SHTN1: variants seen among roughly 807,000 people sequenced by gnomAD.
The protein encoded by SHTN1 is shootin 1.
A neutral mutation model predicts 83.1 loss-of-function variants in SHTN1; 42 were observed. The ratio of observed to expected loss-of-function variants is 0.51; its 90% CI spans 0.39 to 0.65. The LOEUF (loss-of-function observed/expected upper bound fraction) is 0.65, where lower values mean the gene tolerates loss of function less well. SHTN1 is among the 30% of genes least tolerant of loss of function. The probability of loss-of-function intolerance (pLI) is 0.00; values close to 1 mark genes in which losing one functional copy is unlikely to be tolerated. For synonymous variants in SHTN1, 224 were observed against 247.7 expected (o/e 0.90, Z 0.90); for missense variants, 622 against 737.8 (o/e 0.84, Z 1.82).
At chr10:116,916,050 G>A (rs557347585) in intron 12 of SHTN1, among the ~76,000 whole-genome samples, 10 of 152,298 alleles carry the variant, frequency 6.6e-5, no homozygotes, top group African/African-American at 2.4e-4. Context: ...AAACATTTAA[G>A]CAAACCTTTC....
At chr10:116,929,022 T>G (rs192163714) in intron 10 of SHTN1, among the ~76,000 whole-genome samples, 1 of 152,304 alleles carries the variant, frequency 6.6e-6, no homozygotes, top group African/African-American at 2.4e-5. Flanking sequence ...ACTTCTTAAT[T>G]TTGGATCAAT....
intron 9 of SHTN1, among the ~76,000 whole-genome samples, chr10:116,930,232 ATTTTT>A (rs1166878844): frequency 5.3e-5 from 8 of 151,948 alleles, no homozygotes; most frequent in Non-Finnish European, 1.2e-4. Flanking sequence ...AGACACTTTA[ATTTTT>A]TTTAAGTTTT....
In SHTN1 at chr10:116,935,759, C is replaced by T. The variant is rs1259256677; in HGVS notation, c.858+4707G>A. On this transcript the variant is annotated intron_variant, in intron 9 of 16. Transcript: ENST00000355371. ...GGAATGGTACCAGCTCCTCTTGGTA[C>T]CTCTGGTAGAAATCAGCTGTGAATC... 4.6e-5 allele frequency among the ~76,000 whole-genome samples: 7 copies of T among 152,236 alleles called. No homozygotes were observed. The South Asian group carries it at 1.5e-3, about 32-fold the overall frequency.
In SHTN1 at chr10:116,884,213, CG is replaced by C. The variant is rs750818068; in HGVS notation, c.*2130del. 1.2e-4 allele frequency: 56 copies of C among 457,216 alleles called. No individual in the cohort carries two copies. The highest frequency in any genetic ancestry group is 2.4e-4 in the African/African-American group (12 of 50,234). The allele number at this position is 457,216 out of a possible 1,614,324, so 28.3% of individuals were successfully genotyped here. On this transcript the variant is annotated 3_prime_UTR_variant, in exon 17 of 17. Coordinates refer to ENST00000355371, the MANE Select transcript of SHTN1 (RefSeq NM_001127211.3). ...TGAACATACCTTGCAGATATAAGCA[CG>C]GTTCTCCTATGTCTTCCTATTTGGG... is the stretch of plus-strand genomic sequence containing the variant.
chr10:117,100,237 T>C (rs1488265653), intron 1 of SHTN1, among the ~76,000 whole-genome samples: 4 of 152,104 alleles, frequency 2.6e-5, no homozygotes, highest in African/African-American at 9.7e-5. Context: ...CTGGCACACA[T>C]CAGATCAGGG....
chr10:117,097,091 G>A (rs906611440), intron 1 of SHTN1, among the ~76,000 whole-genome samples: 15 of 151,824 alleles, frequency 9.9e-5, no homozygotes, highest in South Asian at 4.2e-4. Flanking sequence ...TAGAGTAGGG[G>A]CAAAGGGAAA....
chr10:117,005,394 G>A (rs1018529879), upstream of SHTN1: 1 of 1,187,132 alleles, frequency 8.4e-7, no homozygotes. Context: ...GGACGCGCTG[G>A]TGGGAGGGGG....
chr10:116,910,080 C>T (rs951170679), intron 14 of SHTN1, among the ~76,000 whole-genome samples: 11 of 152,242 alleles, frequency 7.2e-5, no homozygotes, highest in Middle Eastern at 3.4e-3. Flanking sequence ...TCTGGCAGGT[C>T]GAGCTAGGAG....
chr10:117,117,786 T>C (rs983684623), intron 1 of SHTN1, among the ~76,000 whole-genome samples: 4 of 152,136 alleles, frequency 2.6e-5, no homozygotes, highest in African/African-American at 9.7e-5. Flanking sequence ...GAACATACAC[T>C]GAAGAAAGGA....
chr10:116,910,071 C>G (rs578044263), intron 14 of SHTN1, among the ~76,000 whole-genome samples: 1 of 152,254 alleles, frequency 6.6e-6, no homozygotes, highest in African/African-American at 2.4e-5. Context: ...ACCCAAATGT[C>G]TGGCAGGTCG....
rs139740662 is a variant in SHTN1, at chr10:116,971,654, T to C, written c.112-2942A>G. On this transcript the variant is annotated intron_variant, in intron 2 of 16. Transcript: ENST00000355371. Reference sequence around the variant, plus strand: ...CACAAAAAGAAACCTAGTTTCCGACTAGGCTCAAACTCCTGAGTCATGATT... The same window carrying C: ...CACAAAAAGAAACCTAGTTTCCGACCAGGCTCAAACTCCTGAGTCATGATT... Among the ~76,000 whole-genome samples the C allele has an allele frequency of 1.3e-3, 198 of 152,342 alleles. 1 individual carries two copies. Among genetic ancestry groups the C allele is most frequent in the African/African-American group, 4.6e-3 (190 of 41,580 alleles).
At chr10:117,012,900 C>T (rs578242423) in intron 2 of SHTN1, among the ~76,000 whole-genome samples, 118 of 152,026 alleles carry the variant, frequency 7.8e-4, no homozygotes, top group Non-Finnish European at 1.3e-3. Flanking sequence ...ATTTTGTATT[C>T]TAAATATTTA....
intron 1 of SHTN1, among the ~76,000 whole-genome samples, chr10:117,072,019 G>A (rs1853087946): frequency 6.6e-6 from 1 of 152,156 alleles, no homozygotes; most frequent in Non-Finnish European, 1.5e-5. Flanking sequence ...CTTTGTTCCT[G>A]ACAGGAAATT....
intron 1 of SHTN1, among the ~76,000 whole-genome samples, chr10:117,120,880 G>A (rs966520651): frequency 1.3e-5 from 2 of 150,884 alleles, no homozygotes; most frequent in African/African-American, 4.9e-5. Context: ...CACGATCTCA[G>A]CTCACTGAAA....
intron 2 of SHTN1, among the ~76,000 whole-genome samples, chr10:117,025,174 G>GA (rs1852313258): frequency 6.6e-6 from 1 of 152,174 alleles, no homozygotes; most frequent in Non-Finnish European, 1.5e-5. Context: ...GGAGAGGTAG[G>GA]AAAAACAGTC....
chr10:116,893,956 G>C (rs1051745419), intron 16 of SHTN1, among the ~76,000 whole-genome samples: 2 of 152,116 alleles, frequency 1.3e-5, no homozygotes, highest in African/African-American at 4.8e-5. Context: ...AAATTAAAAA[G>C]CAGTACTTTC....
chr10:116,963,612 C>T (rs1038899241), intron 3 of SHTN1, among the ~76,000 whole-genome samples: 9 of 152,054 alleles, frequency 5.9e-5, no homozygotes, highest in Middle Eastern at 6.8e-3. Flanking sequence ...GAAATATTTC[C>T]AGGCAGTAAA....
At position 117,061,116 on chromosome 10, in the gene SHTN1, T is replaced by C. The variant is rs139190465; in HGVS notation, c.-188-12606A>G. On this transcript the variant is annotated intron_variant, in intron 1 of 17. Coordinates refer to the SHTN1 transcript ENST00000392901. ...ATAGTTAAGACAAGTCTACTGTTAC[T>C]ATAGCCTGAAGCTTTAGTCTTTTTT... 2.0e-5 allele frequency among the ~76,000 whole-genome samples: 3 copies of C among 151,580 alleles called. No individual in the cohort carries two copies. The East Asian group carries it at 5.8e-4, about 29-fold the overall frequency.
At chr10:117,050,216 T>C (rs965954191) in intron 1 of SHTN1, among the ~76,000 whole-genome samples, 3 of 152,150 alleles carry the variant, frequency 2.0e-5, no homozygotes, top group Admixed American at 6.5e-5. Context: ...GCCTTCTTCA[T>C]TGGAAAACAA....
Sources: allele counts gnomAD v4.1 joint callset (sites outside exome capture counted in the v4.1 genomes callset), GRCh38; gene constraint gnomAD v4.1.1; transcripts MANE v1.5; gene names NCBI Gene and HGNC (gene_info 2026-07-23, HGNC 2026-07-21).